Variants in TVP23A observed in about 807,000 individuals in gnomAD.
The protein encoded by TVP23A is Golgi apparatus membrane protein TVP23 homolog A.
A neutral mutation model predicts 31.7 loss-of-function variants in TVP23A; 21 were observed. The observed-to-expected ratio is 0.66, with a 90% CI of 0.47 to 0.95. The LOEUF (loss-of-function observed/expected upper bound fraction) is 0.95. Ranked by LOEUF, TVP23A falls within the 40% of genes least tolerant of loss-of-function variation. The pLI, the probability that TVP23A is intolerant of heterozygous loss-of-function variation, is 0.00. For synonymous variants in TVP23A, 104 were observed against 96.0 expected, an observed-to-expected ratio of 1.08 and a Z score of -0.49; for missense variants, 279 against 255.6, an observed-to-expected ratio of 1.09 and a Z score of -0.62.
At chr16:10,789,130 G>C (rs1258478560) in intron 2 of TVP23A, among the ~76,000 whole-genome samples, 1 of 152,158 alleles carries the variant, frequency 6.6e-6, no homozygotes, top group Non-Finnish European at 1.5e-5. Flanking sequence ...GCCCGGACAA[G>C]AGCAAGGTTT....
Position 10,770,276 on chromosome 16 carries a change from T to C in TVP23A, c.638A>G (p.His213Arg). 1 of 1,550,980 alleles carries C rather than the reference T, an allele frequency of 6.4e-7. No homozygotes were observed. Among genetic ancestry groups the C allele is most frequent in the Non-Finnish European group, 8.7e-7 (1 of 1,146,806 alleles). The change falls in exon 7 of 8, where the codon CAT becomes CGT. Residue 213 changes from histidine (H) to arginine (R), a missense_variant. By Grantham distance (29) the His-to-Arg change is conservative. Coordinates refer to ENST00000299866, the MANE Select transcript of TVP23A (RefSeq NM_001079512.4). ...PGLEGLEIHQ[H>R] ...GTGCCATGATCCATTTCTCACCTAA[T>C]GCTGGTGAATCTCCAGCCCCTCGAG...
chr16:10,776,211 C>T (rs1596503302), intron 2 of TVP23A, among the ~76,000 whole-genome samples: 1 of 151,544 alleles, frequency 6.6e-6, no homozygotes, highest in East Asian at 2.0e-4. Context: ...CCCATTTCTA[C>T]TCAAAATACA....
chr16:10,818,203 G>A lies in TVP23A; in HGVS notation c.10-21C>T. 2 of 1,588,764 alleles carry A rather than the reference G, an allele frequency of 1.3e-6. No individual in the cohort carries two copies. The highest frequency in any genetic ancestry group is 1.7e-6 in the Non-Finnish European group (2 of 1,166,622). On this transcript the variant is annotated intron_variant, in intron 1 of 7. Coordinates refer to ENST00000299866, the MANE Select transcript of TVP23A (RefSeq NM_001079512.4). The surrounding 1 kb of genome is among the most constrained non-coding windows in gnomAD (Gnocchi z 4.7). ...AGGGCCTGGGAGGAGAGCAAGGGCAGGTGGCAGGCCCAAGCACGGCGCACA... is the reference window on the plus strand; with the variant it reads ...AGGGCCTGGGAGGAGAGCAAGGGCAAGTGGCAGGCCCAAGCACGGCGCACA...
intron 2 of TVP23A, among the ~76,000 whole-genome samples, chr16:10,782,787 A>C (rs983714145): frequency 2.0e-5 from 3 of 152,142 alleles, no homozygotes; most frequent in African/African-American, 7.2e-5. Context: ...TACAGGTGTG[A>C]GCCACTGCGC....
Position 10,771,828 on chromosome 16 carries a change from CTT to C in TVP23A, c.454-32_454-31del, listed in dbSNP as rs760027687. On this transcript the variant is annotated intron_variant, in intron 5 of 7. Coordinates refer to ENST00000299866, the MANE Select transcript of TVP23A (RefSeq NM_001079512.4). Reference sequence around the variant, plus strand: ...ACTCAGACAAAGAAAGCAAAGGTCACTTTTTTTTGAGACAGAGTTTCGCTCTG... The same window carrying C: ...ACTCAGACAAAGAAAGCAAAGGTCACTTTTTTGAGACAGAGTTTCGCTCTG... The C allele has an allele frequency of 1.2e-5, 19 of 1,549,024 alleles. No individual in the cohort carries two copies. The East Asian group carries it at 2.9e-4, about 24-fold the overall frequency.
chr16:10,810,671 C>T (rs925736111), intron 2 of TVP23A, among the ~76,000 whole-genome samples: 14 of 152,168 alleles, frequency 9.2e-5, no homozygotes, highest in Admixed American at 8.5e-4. Flanking sequence ...AGGGAATTTC[C>T]TCTCCCTGCT....
intron 2 of TVP23A, among the ~76,000 whole-genome samples, chr16:10,816,665 T>A (rs949911258): frequency 6.6e-6 from 1 of 151,898 alleles, no homozygotes; most frequent in African/African-American, 2.4e-5. Context: ...GATGCAAAGG[T>A]TATCCTAGAT....
At chr16:10,807,288 G>A (rs2033990729) in intron 2 of TVP23A, among the ~76,000 whole-genome samples, 1 of 151,982 alleles carries the variant, frequency 6.6e-6, no homozygotes, top group Admixed American at 6.5e-5. Context: ...GAGGATGAGT[G>A]CCCACCAAGG....
intron 2 of TVP23A, among the ~76,000 whole-genome samples, chr16:10,781,153 C>T (rs1265156959): frequency 6.6e-6 from 1 of 151,920 alleles, no homozygotes; most frequent in African/African-American, 2.4e-5. Flanking sequence ...ACATGAAGAA[C>T]CCCCATCTCT....
intron 2 of TVP23A, among the ~76,000 whole-genome samples, chr16:10,800,613 C>G (rs1017159318): frequency 8.5e-5 from 13 of 152,292 alleles, no homozygotes; most frequent in African/African-American, 3.1e-4. Flanking sequence ...TACTGAATCA[C>G]TACTGCAACC....
At chr16:10,800,428 GT>G (rs1258030045) in intron 2 of TVP23A, 4 of 152,060 alleles carry the variant, frequency 2.6e-5, no homozygotes, top group Non-Finnish European at 5.9e-5. Flanking sequence ...TCTACTAATG[GT>G]TGCAAATATT....
intron 2 of TVP23A, among the ~76,000 whole-genome samples, chr16:10,776,614 A>C (rs988083964): frequency 2.0e-5 from 3 of 152,198 alleles, no homozygotes; most frequent in African/African-American, 7.2e-5. Flanking sequence ...CCAGACCCCA[A>C]GAGAGGGTTC....
downstream of TVP23A, chr16:10,762,016 G>C (rs1427832164): frequency 8.4e-6 from 5 of 598,030 alleles, no homozygotes; most frequent in East Asian, 1.4e-4. Context: ...CACCCCAAGA[G>C]GCCACCGGGA....
exon 9 of TVP23A, chr16:10,761,290 C>T: frequency 2.2e-6 from 3 of 1,359,824 alleles, no homozygotes; most frequent in Non-Finnish European, 3.1e-6. Context: ...GCATTGCAGC[C>T]ATCCCCTCGG....
At chr16:10,794,566 A>G (rs1478889383) in intron 2 of TVP23A, among the ~76,000 whole-genome samples, 1 of 152,184 alleles carries the variant, frequency 6.6e-6, no homozygotes, top group Non-Finnish European at 1.5e-5. Flanking sequence ...GGAAGAGGAC[A>G]TTGTGCTATT....
Position 10,818,306 on chromosome 16 carries a change from G to A in TVP23A, c.10-124C>T. On this transcript the variant is annotated intron_variant, in intron 1 of 7. Coordinates refer to ENST00000299866, the MANE Select transcript of TVP23A (RefSeq NM_001079512.4). The surrounding 1 kb of genome is among the most constrained non-coding windows in gnomAD (Gnocchi z 4.7). Reference sequence around the variant, plus strand: ...CCGGGTTCCCAAGTGGACCCTCCGAGCTGGCGGGGCCCCTCCGCTGCGGCT... The same window carrying A: ...CCGGGTTCCCAAGTGGACCCTCCGAACTGGCGGGGCCCCTCCGCTGCGGCT... 1 of 1,298,242 alleles carries A rather than the reference G, an allele frequency of 7.7e-7. No homozygotes were observed. The highest frequency in any genetic ancestry group is 1.5e-5 in the African/African-American group (1 of 68,222). 80.4% of individuals were successfully genotyped at this position (1,298,242 alleles called of 1,614,324 possible). A position where few individuals can be genotyped will look rare whatever the true frequency, so the allele number is the denominator to read the frequency against.
chr16:10,801,731 T>C (rs1449885496), intron 2 of TVP23A, among the ~76,000 whole-genome samples: 1 of 152,170 alleles, frequency 6.6e-6, no homozygotes, highest in Admixed American at 6.5e-5. Flanking sequence ...ATTACAGGCA[T>C]GAGCCACCGC....
Position 10,807,742 on chromosome 16 carries a change from G to GAACAT in TVP23A, c.89+10360_89+10361insATGTT, listed in dbSNP as rs2034010323. The stretch of plus-strand genomic sequence containing the variant: ...GAGGAACATATAAAGTACTCCCCAG[G>GAACAT]GTAAGCCTAAGATGGAAGCCCTGAA... On this transcript the variant is annotated intron_variant, in intron 2 of 7. Transcript: ENST00000299866. 3.9e-5 allele frequency among the ~76,000 whole-genome samples: 6 copies of GAACAT among 152,162 alleles called. No homozygotes were observed. In the South Asian group the frequency reaches 1.2e-3, roughly 31 times the overall value.
intron 2 of TVP23A, among the ~76,000 whole-genome samples, chr16:10,803,246 T>C (rs886778973): frequency 2.5e-4 from 8 of 31,962 alleles, no homozygotes; most frequent in Admixed American, 1.6e-3. Context: ...ATCGCGCCAC[T>C]GTGTGTGTGT....
Sources: gnomAD v4.1 joint callset for allele counts (sites outside exome capture counted in the v4.1 genomes callset) on GRCh38, gnomAD v4.1.1 for gene constraint, Gnocchi (gnomAD v3.1) non-coding constraint, MANE v1.5 for transcripts, NCBI Gene and HGNC (gene_info 2026-07-23, HGNC 2026-07-21) for gene names.